Variants in BCAS3 observed in about 807,000 individuals in gnomAD.
BCAS3 encodes the protein BCAS3 microtubule associated cell migration factor.
BCAS3 carries 53 observed loss-of-function variants against 116.1 expected under a neutral mutation model. The observed-to-expected ratio is 0.46, with a 90% CI of 0.37 to 0.57. The LOEUF is 0.57. Ranked by LOEUF, BCAS3 falls within the 20% of genes least tolerant of loss-of-function variation. The pLI is 0.00. For synonymous variants in BCAS3, 391 were observed against 408.2 expected (o/e 0.96, Z 0.51); for missense variants, 917 against 1,165.4 (o/e 0.79, Z 3.10).
intron 22 of BCAS3, among the ~76,000 whole-genome samples, chr17:61,190,219 T>C (rs2080018329): frequency 6.6e-6 from 1 of 152,028 alleles, no homozygotes; most frequent in South Asian, 2.1e-4. Flanking sequence ...CCACGAATTA[T>C]AGAATGAATA....
chr17:61,297,124 G>A (rs906340173), intron 22 of BCAS3, among the ~76,000 whole-genome samples: 1 of 152,164 alleles, frequency 6.6e-6, no homozygotes, highest in Non-Finnish European at 1.5e-5. Flanking sequence ...GGGATAGGAG[G>A]AATGGAGAGG....
intron 22 of BCAS3, among the ~76,000 whole-genome samples, chr17:61,154,731 A>G (rs1341194175): frequency 6.6e-6 from 1 of 152,194 alleles, no homozygotes; most frequent in Non-Finnish European, 1.5e-5. Flanking sequence ...GGCATGAGCC[A>G]CCGCGCCCAG....
At chr17:60,722,797 G>A (rs1257448153) in intron 5 of BCAS3, among the ~76,000 whole-genome samples, 1 of 151,742 alleles carries the variant, frequency 6.6e-6, no homozygotes, top group South Asian at 2.1e-4. Context: ...GCTGGGCACA[G>A]TGGCTCATGC....
intron 7 of BCAS3, among the ~76,000 whole-genome samples, chr17:60,855,452 A>ATTTTTTT (rs565603643): frequency 4.5e-4 from 56 of 125,750 alleles, no homozygotes; most frequent in African/African-American, 1.2e-3. Context: ...CTATTTTTAA[A>ATTTTTTT]TTTTTTTTTT....
chr17:60,872,958 G>C (rs1412262795), intron 8 of BCAS3, among the ~76,000 whole-genome samples: 1 of 152,038 alleles, frequency 6.6e-6, no homozygotes, highest in African/African-American at 2.4e-5. Context: ...GTGTGTAGAG[G>C]AATAGTACAG....
intron 7 of BCAS3, among the ~76,000 whole-genome samples, chr17:60,861,504 C>G (rs749561287): frequency 1.1e-4 from 17 of 152,158 alleles, no homozygotes; most frequent in Non-Finnish European, 2.2e-4. Context: ...CCTGATTGCT[C>G]TGGCTGGGAC....
rs1415148675 is a variant in BCAS3 at position 61,213,795 on chromosome 17, C to T, written c.2425+129231C>T. Among the ~76,000 whole-genome samples the T allele has an allele frequency of 6.6e-6, 1 of 152,098 alleles. No individual in the cohort carries two copies. The highest frequency in any genetic ancestry group is 1.5e-5 in the Non-Finnish European group (1 of 68,024). On this transcript the variant is annotated intron_variant, in intron 22 of 23. Transcript: ENST00000407086. The surrounding 1 kb of genome is among the most constrained non-coding windows in gnomAD (Gnocchi z 5.4). ...GATGTGGTTTAGTATATCATGATTA[C>T]CAAATCACAGCTCCCAACATGTGAT...
At chr17:60,989,903 G>A in intron 14 of BCAS3, 68 bp from the exon 15 acceptor site, 2 of 1,500,458 alleles carry the variant, frequency 1.3e-6, no homozygotes, top group Non-Finnish European at 1.8e-6. Context: ...ATTTGGTGAT[G>A]TGTGATACTC....
rs921099054 is a variant in BCAS3 at position 60,960,562 on chromosome 17, A to G, written c.1221+13210A>G. 1.3e-5 allele frequency among the ~76,000 whole-genome samples: 2 copies of G among 152,178 alleles called. No homozygotes were observed. The highest frequency in any genetic ancestry group is 2.4e-5 in the African/African-American group (1 of 41,434). ...CAGAGTTTCCCATCTGGCTTGAGGC[A>G]CTGCCCTCCTGGACTGCGGCTTCAT... is the stretch of plus-strand genomic sequence containing the variant. On this transcript the variant is annotated intron_variant, in intron 14 of 23. Transcript: ENST00000407086. The surrounding 1 kb of genome is among the most constrained non-coding windows in gnomAD (Gnocchi z 4.1).
At chr17:61,183,816 G>A (rs1380546724) in intron 22 of BCAS3, among the ~76,000 whole-genome samples, 1 of 152,220 alleles carries the variant, frequency 6.6e-6, no homozygotes, top group African/African-American at 2.4e-5. Flanking sequence ...TTGTTGATAG[G>A]CTGAAAGCCA....
In BCAS3 at chr17:60,974,254, G is replaced by GTA. The variant is rs2062155819; in HGVS notation, c.1222-15717_1222-15716insTA. On this transcript the variant is annotated intron_variant, in intron 14 of 23. Transcript: ENST00000407086. ...TGGTGGTGAATTCACAGCCTTATAAGATGCTGATTTCTACATCTTAGATGC... is the reference window on the plus strand; with the variant it reads ...TGGTGGTGAATTCACAGCCTTATAAGTAATGCTGATTTCTACATCTTAGATGC... Among the ~76,000 whole-genome samples the GTA allele has an allele frequency of 2.6e-5, 4 of 152,128 alleles. No individual in the cohort carries two copies. In the South Asian group the frequency reaches 8.3e-4, roughly 32 times the overall value.
Position 61,020,878 on chromosome 17 carries a change from C to T in BCAS3, c.1637+4977C>T, listed in dbSNP as rs534818991. ...AAAAAGAAGTCATGGTAGGTAGTTC[C>T]GTGGGAATAAAAAATATTAAAATTG... On this transcript the variant is annotated intron_variant, in intron 16 of 23. Coordinates refer to ENST00000407086, the MANE Select transcript of BCAS3 (RefSeq NM_017679.5). This position sits in a 1 kb window ranked among gnomAD's most constrained non-coding sequence, Gnocchi z 4.5. Among the ~76,000 whole-genome samples the T allele has an allele frequency of 1.3e-5, 2 of 152,156 alleles. No homozygotes were observed. The highest frequency in any genetic ancestry group is 1.3e-4 in the Admixed American group (2 of 15,274).
chr17:60,685,444 C>T (rs905146151), intron 3 of BCAS3, among the ~76,000 whole-genome samples: 2 of 144,930 alleles, frequency 1.4e-5, no homozygotes, highest in African/African-American at 5.2e-5. Context: ...GAGTGAAACT[C>T]CGTCTCAAAA....
intron 22 of BCAS3, among the ~76,000 whole-genome samples, chr17:61,254,777 G>GGAAAAAAAAAA (rs749297966): frequency 1.4e-5 from 1 of 73,528 alleles, no homozygotes; most frequent in African/African-American, 6.3e-5. Context: ...CTCCGTCTCA[G>GGAAAAAAAAAA]AAAAAAAAAA....
At chr17:61,267,795 C>G (rs1348607527) in intron 22 of BCAS3, among the ~76,000 whole-genome samples, 1 of 151,496 alleles carries the variant, frequency 6.6e-6, no homozygotes, top group Non-Finnish European at 1.5e-5. Flanking sequence ...CAGAGCAAAG[C>G]CAGGAAGTAC....
intron 22 of BCAS3, among the ~76,000 whole-genome samples, chr17:61,305,264 A>G (rs544624441): frequency 2.0e-5 from 3 of 152,262 alleles, no homozygotes; most frequent in Non-Finnish European, 4.4e-5. Flanking sequence ...TCAGCTGCTT[A>G]GTTGGGTTAA....
At chr17:60,899,300 C>T (rs965843981) in intron 10 of BCAS3, among the ~76,000 whole-genome samples, 28 of 152,112 alleles carry the variant, frequency 1.8e-4, no homozygotes, top group African/African-American at 2.4e-5. Context: ...GTCTCACCCC[C>T]ATCCCTGGCT....
At chr17:61,386,606 CACAA>C (rs574485642) in intron 23 of BCAS3, among the ~76,000 whole-genome samples, 122 of 152,286 alleles carry the variant, frequency 8.0e-4, no homozygotes, top group African/African-American at 2.8e-3. Flanking sequence ...TCTTCCTAAA[CACAA>C]ACAGAGCACT....
intron 17 of BCAS3, among the ~76,000 whole-genome samples, chr17:61,035,582 CAAA>C (rs61144658): frequency 3.1e-5 from 2 of 65,282 alleles, no homozygotes; most frequent in Non-Finnish European, 3.3e-5. Context: ...GACTCCATCT[CAAA>C]AAAAAAAAAA....
Sources: gnomAD v4.1 joint callset for allele counts (sites outside exome capture counted in the v4.1 genomes callset) on GRCh38, gnomAD v4.1.1 for gene constraint, Gnocchi (gnomAD v3.1) non-coding constraint, MANE v1.5 for transcripts, NCBI Gene and HGNC (gene_info 2026-07-23, HGNC 2026-07-21) for gene names.